SRSF1: variants seen among roughly 807,000 people sequenced by gnomAD.
SRSF1 encodes the protein serine/arginine-rich splicing factor 1.
A neutral mutation model predicts 25.9 loss-of-function variants in SRSF1; 1 was observed. That is an observed-to-expected ratio of 0.04 (90% CI 0.01 to 0.18). The LOEUF is 0.18. SRSF1 is among the 10% of genes least tolerant of loss of function. The pLI is 1.00. For synonymous variants in SRSF1, 132 were observed against 126.2 expected, an observed-to-expected ratio of 1.05 and a Z score of -0.31; for missense variants, 65 against 350.5, an observed-to-expected ratio of 0.19 and a Z score of 6.50.
the SRSF1 span, chr17:57,994,915 C>T: frequency 3.3e-5 from 5 of 152,314 alleles, no homozygotes; most frequent in South Asian, 1.0e-3. Flanking sequence ...ACTGGGGATA[C>T]TTCTAAGAAT....
At chr17:57,995,894 G>A in the SRSF1 span, among the ~76,000 whole-genome samples, 4 of 152,162 alleles carry the variant, frequency 2.6e-5, no homozygotes, top group African/African-American at 9.7e-5. Context: ...TGTAATCCCA[G>A]CACTTTAGGA....
At position 58,006,494 on chromosome 17, in the gene SRSF1, G is replaced by A; in HGVS notation, c.228C>T (p.Gly76=). 1.2e-6 allele frequency: 2 copies of A among 1,613,286 alleles called. No individual in the cohort carries two copies. Among genetic ancestry groups the A allele is most frequent in the Non-Finnish European group, 1.7e-6 (2 of 1,179,820 alleles). ...GCAGACGGTACCCATCGTAATCATA[G>A]CCGTCGCGACCATACACCGCGTCTT... The part of the protein sequence containing the change: ...DAEDAVYGRD[G]YDYDGYRLRV... Residue 76 remains glycine (G), a synonymous_variant, in exon 2 of 4, where the codon GGC becomes GGT. Transcript: ENST00000258962.
chr17:57,998,249 G>A (rs1317998718), downstream of SRSF1, among the ~76,000 whole-genome samples: 8 of 152,254 alleles, frequency 5.3e-5, no homozygotes, highest in East Asian at 1.5e-3. Flanking sequence ...CACTCTTGGT[G>A]TTATTTTATA....
Position 58,002,324 on chromosome 17 carries a change from C to T in SRSF1, c.*3082G>A, listed in dbSNP as rs978475849. ...TTCCACAACGTTCATTAAAATCTAC[C>T]GATTGGGGTGACCTTACACATTTCT... On this transcript the variant is annotated 3_prime_UTR_variant, in exon 4 of 4. Coordinates refer to ENST00000258962, the MANE Select transcript of SRSF1 (RefSeq NM_006924.5). Among the ~76,000 whole-genome samples the T allele has an allele frequency of 1.3e-5, 2 of 152,146 alleles. No homozygotes were observed. Among genetic ancestry groups the T allele is most frequent in the Admixed American group, 6.5e-5 (1 of 15,270 alleles).
downstream of SRSF1, among the ~76,000 whole-genome samples, chr17:58,000,141 G>T (rs556421453): frequency 6.6e-6 from 1 of 151,992 alleles, no homozygotes; most frequent in Non-Finnish European, 1.5e-5. Flanking sequence ...AATGAAGCAC[G>T]GAGTGATTTT....
At position 58,005,329 on chromosome 17, in the gene SRSF1, TAAA is replaced by T. The variant is rs1165129949; in HGVS notation, c.*74_*76del. On this transcript the variant is annotated 3_prime_UTR_variant, in exon 4 of 4. Coordinates refer to ENST00000258962, the MANE Select transcript of SRSF1 (RefSeq NM_006924.5). This position sits in a 1 kb window ranked among gnomAD's most constrained non-coding sequence, Gnocchi z 5.2. ...CCATTCTGAACAAAACAGTTTGAAT[TAAA>T]AAATGAAAAGATTGTACTGAATAAA... is the stretch of plus-strand genomic sequence containing the variant. 6.6e-6 allele frequency: 10 copies of T among 1,517,542 alleles called. No homozygotes were observed. The highest frequency in any genetic ancestry group is 9.0e-6 in the Non-Finnish European group (10 of 1,111,984). 94.0% of individuals were successfully genotyped at this position (1,517,542 alleles called of 1,614,324 possible).
downstream of SRSF1, among the ~76,000 whole-genome samples, chr17:57,999,679 C>T (rs527407388): frequency 1.1e-3 from 170 of 152,212 alleles, no homozygotes; most frequent in Non-Finnish European, 1.6e-3. Context: ...TGTTATAGCT[C>T]CCTCTAGTGG....
chr17:57,990,396 A>T, the SRSF1 span: 41 of 135,362 alleles, frequency 3.0e-4, no homozygotes, highest in Non-Finnish European at 5.2e-4. Context: ...AACATTCTTT[A>T]AAAAAAAATT....
the SRSF1 span, chr17:57,994,248 T>C: frequency 8.5e-5 from 13 of 152,230 alleles, no homozygotes; most frequent in South Asian, 2.1e-4. Context: ...ATAGCACATC[T>C]AGTGAAACTG....
Position 58,001,703 on chromosome 17 carries a change from A to G in SRSF1, c.*3703T>C, listed in dbSNP as rs1467411787. ...TTCAAAAGGGTGTAACTTTCTTCTA[A>G]TAATTGCCAATACGGATAGAGACCT... On this transcript the variant is annotated 3_prime_UTR_variant, in exon 4 of 4. Transcript: ENST00000258962. 1.3e-5 allele frequency among the ~76,000 whole-genome samples: 2 copies of G among 152,218 alleles called. No individual in the cohort carries two copies. Among genetic ancestry groups the G allele is most frequent in the East Asian group, 1.9e-4 (1 of 5,206 alleles).
downstream of SRSF1, among the ~76,000 whole-genome samples, chr17:57,998,546 T>C (rs765943839): frequency 6.8e-4 from 104 of 152,288 alleles, 1 homozygote; most frequent in Non-Finnish European, 5.1e-4. Context: ...GCCTAATTTG[T>C]GGCTTCAGAG....
chr17:57,989,183 G>A, the SRSF1 span: 14 of 398,560 alleles, frequency 3.5e-5, 1 homozygote, highest in Middle Eastern at 6.3e-4. Flanking sequence ...CCGTGTAGGC[G>A]TCACTGCTAC....
In SRSF1 at chr17:58,003,774, G is replaced by A. The variant is rs1375667401; in HGVS notation, c.*1632C>T. On this transcript the variant is annotated 3_prime_UTR_variant, in exon 4 of 4. Coordinates refer to ENST00000258962, the MANE Select transcript of SRSF1 (RefSeq NM_006924.5). Reference sequence around the variant, plus strand: ...ATCGTGCATCTTAAGGGCTCCAATCGTCAAAAATAGGAAAAAAAAAATCTT... The same window carrying A: ...ATCGTGCATCTTAAGGGCTCCAATCATCAAAAATAGGAAAAAAAAAATCTT... 6.6e-6 allele frequency: 1 copy of A among 152,344 alleles called. No homozygotes were observed. The highest frequency in any genetic ancestry group is 2.4e-5 in the African/African-American group (1 of 41,346). The allele number at this position is 152,344 out of a possible 1,614,324, so 9.4% of individuals were successfully genotyped here. A position where few individuals can be genotyped will look rare whatever the true frequency, so the allele number is the denominator to read the frequency against.
chr17:58,005,345 T>C lies in SRSF1; in HGVS notation c.*61A>G. 2 of 1,561,054 alleles carry C rather than the reference T, an allele frequency of 1.3e-6. No homozygotes were observed. On this transcript the variant is annotated 3_prime_UTR_variant, in exon 4 of 4. Transcript: ENST00000258962. This position sits in a 1 kb window ranked among gnomAD's most constrained non-coding sequence, Gnocchi z 5.2. Reference sequence around the variant, plus strand: ...AGTTTGAATTAAAAAATGAAAAGATTGTACTGAATAAAGGAAAACTGTATA... The same window carrying C: ...AGTTTGAATTAAAAAATGAAAAGATCGTACTGAATAAAGGAAAACTGTATA...
In SRSF1 at chr17:58,004,287, AC is replaced by A. The variant is rs2075412020; in HGVS notation, c.*1118del. The A allele has an allele frequency of 6.5e-6, 1 of 152,692 alleles. No homozygotes were observed. Among genetic ancestry groups the A allele is most frequent in the South Asian group, 2.1e-4 (1 of 4,830 alleles). The allele number at this position is 152,692 out of a possible 1,614,324, so 9.5% of individuals were successfully genotyped here. ...ACAGGTTTCGTGGTTGCAAGAAGTT[AC>A]GTAATTTAAGTTTACTGGCATTGCT... On this transcript the variant is annotated 3_prime_UTR_variant, in exon 4 of 4. Transcript: ENST00000258962.
rs995588491 is a variant in SRSF1 at position 58,001,002 on chromosome 17, G to A, written c.*4404C>T. Among the ~76,000 whole-genome samples, 1 of 152,152 alleles carries A rather than the reference G, an allele frequency of 6.6e-6. No individual in the cohort carries two copies. Among genetic ancestry groups the A allele is most frequent in the African/African-American group, 2.4e-5 (1 of 41,442 alleles). ...TTTTTGGATTTCAAAAAATGGATAA[G>A]AGACTGTAATCTGTTTTCTGCGTTT... is the stretch of plus-strand genomic sequence containing the variant. On this transcript the variant is annotated 3_prime_UTR_variant, in exon 4 of 4. Transcript: ENST00000258962.
chr17:58,006,780 G>A, intron 1 of SRSF1, 164 bp downstream of exon 1: 2 of 969,430 alleles, frequency 2.1e-6, no homozygotes, highest in South Asian at 3.3e-5. Flanking sequence ...CGCCAGAGAA[G>A]CCACATCAAC....
chr17:57,999,581 T>C (rs532427426), downstream of SRSF1, among the ~76,000 whole-genome samples: 3 of 152,306 alleles, frequency 2.0e-5, no homozygotes, highest in Admixed American at 6.5e-5. Context: ...CATCTAACTT[T>C]AGAGCTGATA....
chr17:57,992,976 G>A, the SRSF1 span: 2 of 152,432 alleles, frequency 1.3e-5, no homozygotes, highest in African/African-American at 4.8e-5. Flanking sequence ...CTTTGAGAAA[G>A]CTGCTCCATT....
Sources: allele counts gnomAD v4.1 joint callset (sites outside exome capture counted in the v4.1 genomes callset), GRCh38; gene constraint gnomAD v4.1.1; non-coding constraint Gnocchi (gnomAD v3.1); transcripts MANE v1.5; gene names NCBI Gene and HGNC (gene_info 2026-07-23, HGNC 2026-07-21).